Variants in PHACTR1 observed in about 807,000 individuals in gnomAD.
PHACTR1 encodes the protein RPEL repeat containing 1.
In PHACTR1, 16 loss-of-function variants were observed where a neutral mutation model predicts 69.2. The observed-to-expected ratio is 0.23, with a 90% CI of 0.16 to 0.35. The LOEUF (loss-of-function observed/expected upper bound fraction) is 0.35. PHACTR1 is among the 10% of genes least tolerant of loss of function. The pLI, the probability that PHACTR1 is intolerant of heterozygous loss-of-function variation, is 1.00. For synonymous variants in PHACTR1, 312 were observed against 284.5 expected (o/e 1.10, Z -0.97); for missense variants, 510 against 734.7 (o/e 0.69, Z 3.54).
chr6:13,271,353 A>G (rs1330600555), intron 10 of PHACTR1, among the ~76,000 whole-genome samples: 1 of 152,212 alleles, frequency 6.6e-6, no homozygotes, highest in Non-Finnish European at 1.5e-5. Context: ...TTGGGCAGCG[A>G]CAAATATCCA....
At chr6:13,262,808 T>C (rs1039227234) in intron 10 of PHACTR1, among the ~76,000 whole-genome samples, 1 of 152,226 alleles carries the variant, frequency 6.6e-6, no homozygotes, top group African/African-American at 2.4e-5. Flanking sequence ...GTGAGGACTT[T>C]TGCATTTCCT....
intron 4 of PHACTR1, among the ~76,000 whole-genome samples, chr6:12,869,987 G>A (rs540902633): frequency 6.6e-6 from 1 of 152,266 alleles, no homozygotes; most frequent in African/African-American, 2.4e-5. Flanking sequence ...TTATGTGATA[G>A]TCTGATTATT....
At chr6:13,198,555 A>G (rs1042002460) in intron 7 of PHACTR1, among the ~76,000 whole-genome samples, 9 of 151,944 alleles carry the variant, frequency 5.9e-5, no homozygotes, top group Non-Finnish European at 1.2e-4. Context: ...CCTGGCCCAC[A>G]TTGGAAGAAG....
intron 5 of PHACTR1, among the ~76,000 whole-genome samples, chr6:13,133,459 G>T (rs1000806733): frequency 6.6e-6 from 1 of 151,852 alleles, no homozygotes; most frequent in African/African-American, 2.4e-5. Context: ...ACACCTGACT[G>T]GTTTTCGTAT....
At position 12,855,956 on chromosome 6, in the gene PHACTR1, C is replaced by G. The variant is rs192004118; in HGVS notation, c.250+106166C>G. Among the ~76,000 whole-genome samples, 626 of 152,180 alleles carry G rather than the reference C, an allele frequency of 4.1e-3. 4 individuals are homozygous for G. Among genetic ancestry groups the G allele is most frequent in the African/African-American group, 0.014 (600 of 41,524 alleles). ...AGAGTGAATCCTGGTTCTTTTAATTCCAGAGCCTTACAGCCCAGGGCATGT... is the reference window on the plus strand; with the variant it reads ...AGAGTGAATCCTGGTTCTTTTAATTGCAGAGCCTTACAGCCCAGGGCATGT... On this transcript the variant is annotated intron_variant, in intron 4 of 14. Coordinates refer to ENST00000332995, the MANE Select transcript of PHACTR1 (RefSeq NM_030948.6).
chr6:13,058,224 T>C (rs1002130921), intron 5 of PHACTR1, among the ~76,000 whole-genome samples: 9 of 152,186 alleles, frequency 5.9e-5, no homozygotes, highest in Non-Finnish European at 1.2e-4. Flanking sequence ...AGCGATCTTA[T>C]CCAAATTCCT....
intron 4 of PHACTR1, among the ~76,000 whole-genome samples, chr6:12,976,978 T>A (rs1452807830): frequency 1.3e-5 from 2 of 152,172 alleles, no homozygotes; most frequent in Non-Finnish European, 2.9e-5. Flanking sequence ...AGTGTTTGTT[T>A]GTTTTGAGAC....
intron 4 of PHACTR1, chr6:12,957,386 G>A (rs1471552891): frequency 2.0e-6 from 2 of 985,330 alleles, no homozygotes; most frequent in East Asian, 1.1e-4. Context: ...ATTGGGGACG[G>A]CCGAGGCAGG....
chr6:12,718,642 A>G, intron 2 of PHACTR1, 57 bp from the exon 3 acceptor site: 3 of 509,326 alleles, frequency 5.9e-6, no homozygotes, highest in Non-Finnish European at 3.5e-6. Flanking sequence ...GTACATCTAT[A>G]TATACACTTT....
chr6:13,110,412 C>A (rs1182909501), intron 5 of PHACTR1, among the ~76,000 whole-genome samples: 1 of 152,170 alleles, frequency 6.6e-6, no homozygotes, highest in Non-Finnish European at 1.5e-5. Context: ...ACTGAGTTTT[C>A]TTCACTTTTA....
chr6:12,958,839 G>A (rs994450672), intron 4 of PHACTR1, among the ~76,000 whole-genome samples: 3 of 152,140 alleles, frequency 2.0e-5, no homozygotes, highest in Non-Finnish European at 4.4e-5. Flanking sequence ...CCTTCTCTCA[G>A]TTTGGGCAAA....
rs1045135893 is a variant in PHACTR1, at chr6:12,846,479, G to C, written c.250+96689G>C. ...ACTGTTAGGTAAAACTTTATGGGCAGATGTTTCCTAACAAAACTGAGTAGA... is the reference window on the plus strand; with the variant it reads ...ACTGTTAGGTAAAACTTTATGGGCACATGTTTCCTAACAAAACTGAGTAGA... On this transcript the variant is annotated intron_variant, in intron 4 of 14. Coordinates refer to ENST00000332995, the MANE Select transcript of PHACTR1 (RefSeq NM_030948.6). Among the ~76,000 whole-genome samples the C allele has an allele frequency of 5.9e-5, 9 of 152,274 alleles. 3 individuals carry two copies. Among genetic ancestry groups the C allele is most frequent in the Admixed American group, 4.6e-4 (7 of 15,290 alleles).
At chr6:13,061,482 A>G (rs146921785) in intron 5 of PHACTR1, among the ~76,000 whole-genome samples, 1 of 152,318 alleles carries the variant, frequency 6.6e-6, no homozygotes, top group African/African-American at 2.4e-5. Flanking sequence ...TTGCAGAAGC[A>G]ATACAGAAGA....
chr6:12,881,134 A>C (rs1328355890), intron 4 of PHACTR1, among the ~76,000 whole-genome samples: 1 of 152,226 alleles, frequency 6.6e-6, no homozygotes, highest in East Asian at 1.9e-4. Context: ...CTGTGGACTA[A>C]GAGCTGAATT....
At chr6:12,953,286 G>A (rs1273415571) in intron 4 of PHACTR1, among the ~76,000 whole-genome samples, 1 of 152,146 alleles carries the variant, frequency 6.6e-6, no homozygotes, top group Non-Finnish European at 1.5e-5. Context: ...TCGCGGCACT[G>A]CACTCCAGCC....
At chr6:13,106,643 A>G (rs1355453930) in intron 5 of PHACTR1, among the ~76,000 whole-genome samples, 1 of 151,978 alleles carries the variant, frequency 6.6e-6, no homozygotes, top group Non-Finnish European at 1.5e-5. Flanking sequence ...ATGCCTGGCT[A>G]ATTATTTTAT....
intron 4 of PHACTR1, among the ~76,000 whole-genome samples, chr6:12,951,946 G>T (rs138637012): frequency 6.6e-6 from 1 of 152,098 alleles, no homozygotes; most frequent in Non-Finnish European, 1.5e-5. Flanking sequence ...GAAACAAAAC[G>T]CAGAAAGCAA....
At chr6:13,019,066 A>ATTTTTT (rs369553785) in intron 4 of PHACTR1, among the ~76,000 whole-genome samples, 1 of 134,626 alleles carries the variant, frequency 7.4e-6, no homozygotes, top group East Asian at 2.7e-4. Flanking sequence ...ATATATATAT[A>ATTTTTT]TATATATATT....
chr6:13,278,204 A>G (rs956269507), intron 11 of PHACTR1, 64 bp from the exon 12 acceptor site: 5 of 1,487,772 alleles, frequency 3.4e-6, no homozygotes, highest in Non-Finnish European at 4.6e-6. Flanking sequence ...CCAAGGTCCA[A>G]AGGATGCACC....
Sources: allele counts gnomAD v4.1 joint callset (sites outside exome capture counted in the v4.1 genomes callset), GRCh38; gene constraint gnomAD v4.1.1; transcripts MANE v1.5; gene names NCBI Gene and HGNC (gene_info 2026-07-23, HGNC 2026-07-21).